CTNNA2: variants seen among roughly 807,000 people sequenced by gnomAD.
CTNNA2 encodes catenin alpha-2.
CTNNA2 carries 42 observed loss-of-function variants against 101.0 expected under a neutral mutation model. The ratio of observed to expected loss-of-function variants is 0.42; its 90% CI spans 0.32 to 0.54. CTNNA2 has a LOEUF of 0.54. Among genes scored for constraint, CTNNA2 ranks in the 20% least tolerant of loss-of-function variants. The probability of loss-of-function intolerance (pLI) is 0.14; values close to 1 mark genes in which losing one functional copy is unlikely to be tolerated. For synonymous variants in CTNNA2, 450 were observed against 456.4 expected, an observed-to-expected ratio of 0.99 and a Z score of 0.18; for missense variants, 871 against 1,223.1, an observed-to-expected ratio of 0.71 and a Z score of 4.29.
intron 8 of CTNNA2, among the ~76,000 whole-genome samples, chr2:80,418,559 G>C (rs1365315541): frequency 6.6e-6 from 1 of 152,154 alleles, no homozygotes; most frequent in Non-Finnish European, 1.5e-5. Context: ...ATTGAGATTT[G>C]TTCTTAATTT....
At chr2:79,812,594 C>CA (rs1677136569) in intron 3 of CTNNA2, among the ~76,000 whole-genome samples, 2 of 152,174 alleles carry the variant, frequency 1.3e-5, no homozygotes, top group Non-Finnish European at 2.9e-5. Context: ...TGATCTCACC[C>CA]ATGCCTACAT....
intron 7 of CTNNA2, among the ~76,000 whole-genome samples, chr2:80,105,927 G>A (rs1454327021): frequency 6.6e-6 from 1 of 152,160 alleles, no homozygotes; most frequent in Non-Finnish European, 1.5e-5. Context: ...AGTCACACAT[G>A]TTCTCACTTA....
chr2:79,963,113 G>A lies in CTNNA2; in HGVS notation c.1056+53316G>A, dbSNP rs149958142. 2.0e-3 allele frequency among the ~76,000 whole-genome samples: 299 copies of A among 147,712 alleles called. 1 individual carries two copies. Among genetic ancestry groups the A allele is most frequent in the Middle Eastern group, 7.2e-3 (2 of 278 alleles). Reference sequence around the variant, plus strand: ...AAAAAAAAATGTTACACAAAATTGTGTCTCACATATTGCCATATTGCCTAA... The same window carrying A: ...AAAAAAAAATGTTACACAAAATTGTATCTCACATATTGCCATATTGCCTAA... On this transcript the variant is annotated intron_variant, in intron 7 of 18. Transcript: ENST00000402739.
intron 7 of CTNNA2, among the ~76,000 whole-genome samples, chr2:79,918,010 A>G (rs1248105433): frequency 6.6e-6 from 1 of 152,116 alleles, no homozygotes; most frequent in Non-Finnish European, 1.5e-5. Flanking sequence ...TGCCCAAGGT[A>G]TGGGATGATT....
chr2:80,417,341 A>G (rs192638614), intron 8 of CTNNA2, among the ~76,000 whole-genome samples: 36 of 151,832 alleles, frequency 2.4e-4, no homozygotes. Context: ...ACATACATAT[A>G]TTCTGGAAAG....
chr2:80,302,599 C>T lies in CTNNA2; in HGVS notation c.1057-90612C>T. On this transcript the variant is annotated intron_variant, in intron 7 of 18. Transcript: ENST00000402739. This position sits in a 1 kb window ranked among gnomAD's most constrained non-coding sequence, Gnocchi z 6.4. ...CGCCTGGAAGAGCCACGGTGGCAGG[C>T]TCGAATGTGCCGTCGTGCTGCCCCT... The T allele has an allele frequency of 6.2e-7, 1 of 1,606,336 alleles. No homozygotes were observed. The highest frequency in any genetic ancestry group is 8.5e-7 in the Non-Finnish European group (1 of 1,178,834).
At chr2:80,273,689 C>T (rs571051426) in intron 7 of CTNNA2, among the ~76,000 whole-genome samples, 3 of 152,082 alleles carry the variant, frequency 2.0e-5, no homozygotes, top group Non-Finnish European at 4.4e-5. Flanking sequence ...CAGACACACT[C>T]CTGCCTCAGG....
At chr2:79,212,967 AGAGATG>A (rs1282461491) in intron 2 of CTNNA2, among the ~76,000 whole-genome samples, 2 of 152,206 alleles carry the variant, frequency 1.3e-5, no homozygotes, top group Non-Finnish European at 2.9e-5. Context: ...AGAGGTTCTA[AGAGATG>A]GGCTAGTGGC....
intron 1 of CTNNA2, among the ~76,000 whole-genome samples, chr2:79,576,986 G>T (rs1250838513): frequency 6.6e-6 from 1 of 152,040 alleles, no homozygotes; most frequent in Admixed American, 6.6e-5. Flanking sequence ...TGTTCTTCAT[G>T]GGGGTTTTAT....
intron 7 of CTNNA2, among the ~76,000 whole-genome samples, chr2:79,941,878 C>A: frequency 6.6e-6 from 1 of 152,108 alleles, no homozygotes; most frequent in East Asian, 1.9e-4. Context: ...CTCAGCCTCC[C>A]AAAATGCTGG....
intron 4 of CTNNA2, among the ~76,000 whole-genome samples, chr2:79,398,668 A>G (rs1678256706): frequency 6.6e-6 from 1 of 152,030 alleles, no homozygotes; most frequent in Non-Finnish European, 1.5e-5. Flanking sequence ...CTAAAGAAAA[A>G]GATAAGAATC....
intron 1 of CTNNA2, among the ~76,000 whole-genome samples, chr2:79,609,154 A>C (rs1678102385): frequency 6.6e-6 from 1 of 152,030 alleles, no homozygotes; most frequent in Non-Finnish European, 1.5e-5. Context: ...TCTGTACACC[A>C]AAAATTATAC....
intron 9 of CTNNA2, among the ~76,000 whole-genome samples, chr2:80,469,077 G>GT: frequency 6.6e-6 from 1 of 152,112 alleles, no homozygotes; most frequent in East Asian, 1.9e-4. Context: ...TGTTTGTGTG[G>GT]TGGTGGTGTG....
intron 2 of CTNNA2, among the ~76,000 whole-genome samples, chr2:79,219,067 T>C (rs931678834): frequency 6.6e-6 from 1 of 152,220 alleles, no homozygotes; most frequent in Non-Finnish European, 1.5e-5. Flanking sequence ...TATTTCATAT[T>C]TGTATTTATA....
chr2:79,676,567 C>T lies in CTNNA2; in HGVS notation c.102+24909C>T, dbSNP rs575588334. 1.2e-4 allele frequency among the ~76,000 whole-genome samples: 19 copies of T among 152,136 alleles called. No homozygotes were observed. In the South Asian group the frequency reaches 3.3e-3, roughly 27 times the overall value. On this transcript the variant is annotated intron_variant, in intron 2 of 18. Coordinates refer to ENST00000402739, the MANE Select transcript of CTNNA2 (RefSeq NM_001282597.3). ...CTAGGTGATCGGCTCTGGAAGTGACCGTCAACAGCAACACCCTACCACTGT... is the reference window on the plus strand; with the variant it reads ...CTAGGTGATCGGCTCTGGAAGTGACTGTCAACAGCAACACCCTACCACTGT...
At chr2:80,276,690 G>A (rs1291645724) in intron 7 of CTNNA2, among the ~76,000 whole-genome samples, 3 of 151,934 alleles carry the variant, frequency 2.0e-5, no homozygotes, top group Admixed American at 6.6e-5. Flanking sequence ...AGAAGAGGAG[G>A]AGGAGGAGGG....
At chr2:79,913,975 G>T (rs1362710122) in intron 7 of CTNNA2, among the ~76,000 whole-genome samples, 1 of 151,774 alleles carries the variant, frequency 6.6e-6, no homozygotes, top group Non-Finnish European at 1.5e-5. Context: ...AGACCATCCC[G>T]GCTAAAACGG....
chr2:80,474,223 A>AT (rs1178164054), intron 9 of CTNNA2, among the ~76,000 whole-genome samples: 3 of 152,210 alleles, frequency 2.0e-5, no homozygotes, highest in Admixed American at 6.5e-5. Flanking sequence ...GAGAAAGCAT[A>AT]TTTTTTGTGG....
chr2:80,054,886 G>T (rs34544859), intron 7 of CTNNA2, among the ~76,000 whole-genome samples: 26,542 of 152,084 alleles, frequency 0.17, 3,070 homozygotes, highest in Non-Finnish European at 0.25. Flanking sequence ...AAATATCTTA[G>T]TTTTTAGTTT....
Sources: gnomAD v4.1 joint callset for allele counts (sites outside exome capture counted in the v4.1 genomes callset) on GRCh38, gnomAD v4.1.1 for gene constraint, Gnocchi (gnomAD v3.1) non-coding constraint, MANE v1.5 for transcripts, NCBI Gene and HGNC (gene_info 2026-07-23, HGNC 2026-07-21) for gene names.